The following ABCC1 variants were observed in gnomAD, a reference collection of about 807,000 sequenced individuals.
ABCC1 encodes the protein multidrug resistance-associated protein 1.
Under a neutral mutation model 172.9 loss-of-function variants are expected in ABCC1, and 83 were observed. The observed-to-expected ratio is 0.48, with a 90% CI of 0.40 to 0.58. The LOEUF is 0.58. ABCC1 is among the 20% of genes least tolerant of loss of function. The pLI is 0.00. For missense variants in ABCC1, 1,817 were observed against 2,002.7 expected, an observed-to-expected ratio of 0.91 and a Z score of 1.77; for synonymous variants, 937 against 825.2, an observed-to-expected ratio of 1.14 and a Z score of -2.32.
intron 20 of ABCC1, 31 bp downstream of exon 20, chr16:16,102,748 G>A (rs895527634): frequency 5.2e-6 from 8 of 1,549,888 alleles, no homozygotes; most frequent in Middle Eastern, 3.6e-4. Flanking sequence ...CCCAACCTAA[G>A]GACCCTGCCC....
At chr16:15,975,693 A>G (rs1287749387) in intron 1 of ABCC1, among the ~76,000 whole-genome samples, 2 of 151,588 alleles carry the variant, frequency 1.3e-5, no homozygotes, top group African/African-American at 4.8e-5. Context: ...AGTAGCTGGG[A>G]TTACAGGCAT....
At chr16:16,140,235 C>T (rs565721075) in intron 30 of ABCC1, among the ~76,000 whole-genome samples, 2 of 152,184 alleles carry the variant, frequency 1.3e-5, no homozygotes, top group Non-Finnish European at 2.9e-5. Context: ...GAAAGGTAGG[C>T]AGGGGCTGGA....
At chr16:15,983,017 CAT>C (rs1326254307) in intron 1 of ABCC1, among the ~76,000 whole-genome samples, 13 of 151,990 alleles carry the variant, frequency 8.6e-5, no homozygotes, top group Non-Finnish European at 1.5e-4. Context: ...TATAAGGTAA[CAT>C]ATACAGTATA....
intron 1 of ABCC1, among the ~76,000 whole-genome samples, chr16:15,986,755 C>CG: frequency 6.6e-6 from 1 of 152,220 alleles, no homozygotes; most frequent in Non-Finnish European, 1.5e-5. Flanking sequence ...GTTCTGGGGA[C>CG]GGGGATGTAG....
At chr16:16,022,603 C>T (rs1239005201) in intron 5 of ABCC1, among the ~76,000 whole-genome samples, 2 of 152,156 alleles carry the variant, frequency 1.3e-5, no homozygotes, top group African/African-American at 4.8e-5. Flanking sequence ...CCTACCAAGT[C>T]AAACTCATTT....
intron 1 of ABCC1, among the ~76,000 whole-genome samples, chr16:15,993,249 C>T (rs2046936105): frequency 6.6e-6 from 1 of 152,180 alleles, no homozygotes; most frequent in Admixed American, 6.5e-5. Context: ...TGAATGAATG[C>T]ATGACAGGAA....
chr16:15,990,178 C>T (rs554046758), intron 1 of ABCC1, among the ~76,000 whole-genome samples: 1 of 152,276 alleles, frequency 6.6e-6, no homozygotes, highest in South Asian at 2.1e-4. Context: ...CCTCAGCCTC[C>T]CAAGCAGCTG....
chr16:16,046,042 G>T, intron 9 of ABCC1, 29 bp downstream of exon 9: 1 of 1,609,970 alleles, frequency 6.2e-7, no homozygotes, highest in Non-Finnish European at 8.5e-7. Context: ...TTGGCATGTG[G>T]CCCGACTTCC....
At chr16:16,077,631 C>T (rs976092995) in intron 15 of ABCC1, among the ~76,000 whole-genome samples, 1 of 152,216 alleles carries the variant, frequency 6.6e-6, no homozygotes, top group Admixed American at 6.5e-5. Context: ...CTTTCCCCTC[C>T]CAGCACAGGA....
chr16:15,999,836 C>CTTTCTTTCTTTCTTTCTT lies in ABCC1; in HGVS notation c.49-7979_49-7978insTTCTTTCTTTCTTTCTTT, dbSNP rs766054868. Among the ~76,000 whole-genome samples, 41 of 16,830 alleles carry CTTTCTTTCTTTCTTTCTT rather than the reference C, an allele frequency of 2.4e-3. 1 individual carries two copies. The highest frequency in any genetic ancestry group is 7.0e-3 in the African/African-American group (33 of 4,682). 11.0% of individuals were successfully genotyped at this position (16,830 alleles called of 152,430 possible). On this transcript the variant is annotated intron_variant, in intron 1 of 30. Transcript: ENST00000399410. ...TCTCTCTCTCTCTCTCTCTCTCTGT[C>CTTTCTTTCTTTCTTTCTT]TCTTTCTTTCTTTCTTTCTTTCTTT...
Position 16,044,535 on chromosome 16 carries a change from G to A in ABCC1, c.895G>A (p.Ala299Thr). The change falls in exon 8 of 31, where the codon GCT (alanine) becomes ACT (threonine). Residue 299 changes from alanine to threonine, a missense_variant. This residue lies in a region of ABCC1 where 398 missense variants were observed against 384.2 expected (regional missense o/e 1.04). Coordinates refer to ENST00000399410, the MANE Select transcript of ABCC1 (RefSeq NM_004996.4). ...SKVDANEEVEALIVKSPQKEW... is the reference protein window; with the variant it reads ...SKVDANEEVETLIVKSPQKEW... Reference sequence around the variant, plus strand: ...GGTGGATGCGAATGAGGAGGTGGAGGCTTTGATCGTCAAGTCCCCACAGAA... The same window carrying A: ...GGTGGATGCGAATGAGGAGGTGGAGACTTTGATCGTCAAGTCCCCACAGAA... 1 of 1,614,170 alleles carries A rather than the reference G, an allele frequency of 6.2e-7. No homozygotes were observed. The highest frequency in any genetic ancestry group is 8.5e-7 in the Non-Finnish European group (1 of 1,180,032).
chr16:16,108,330 A>G (rs1216510631), intron 21 of ABCC1, among the ~76,000 whole-genome samples: 1 of 122,814 alleles, frequency 8.1e-6, no homozygotes, highest in Non-Finnish European at 1.6e-5. Flanking sequence ...CCCAGGCTGT[A>G]GTGCCGTGGC....
chr16:16,094,212 C>T lies in ABCC1; in HGVS notation c.2644+3624C>T, dbSNP rs1352406152. The T allele has an allele frequency of 1.5e-5, 4 of 275,280 alleles. No individual in the cohort carries two copies. In the Admixed American group the frequency reaches 1.5e-4, roughly 10 times the overall value. The allele number at this position is 275,280 out of a possible 1,614,324, so 17.1% of individuals were successfully genotyped here. On this transcript the variant is annotated intron_variant, in intron 19 of 30. Transcript: ENST00000399410. Reference sequence around the variant, plus strand: ...CCGACCCTGAGCTCTGTAGGTCCGGCGACGCAACTTAGGTGCTTTCTTCAG... The same window carrying T: ...CCGACCCTGAGCTCTGTAGGTCCGGTGACGCAACTTAGGTGCTTTCTTCAG...
At chr16:15,988,912 T>C (rs1239244319) in intron 1 of ABCC1, among the ~76,000 whole-genome samples, 1 of 151,264 alleles carries the variant, frequency 6.6e-6, no homozygotes, top group Non-Finnish European at 1.5e-5. Context: ...TGGAAAGAAA[T>C]ACAAAAATTA....
chr16:16,002,012 C>T (rs114903832), intron 1 of ABCC1, among the ~76,000 whole-genome samples: 3 of 152,220 alleles, frequency 2.0e-5, no homozygotes, highest in African/African-American at 7.2e-5. Context: ...GCCACCACAC[C>T]TGGCAGAGAA....
chr16:16,139,611 C>CAA (rs386384360), intron 30 of ABCC1, among the ~76,000 whole-genome samples: 9,615 of 56,762 alleles, frequency 0.17, 1,723 homozygotes, highest in East Asian at 0.29. Flanking sequence ...GACTCCATCT[C>CAA]AAAAAAAAAA....
chr16:16,022,076 A>T (rs1279994513), intron 5 of ABCC1, among the ~76,000 whole-genome samples: 1 of 152,218 alleles, frequency 6.6e-6, no homozygotes, highest in East Asian at 1.9e-4. Context: ...TCCCATCCTC[A>T]GAGCAGCAGC....
intron 21 of ABCC1, among the ~76,000 whole-genome samples, chr16:16,110,883 A>C (rs955047118): frequency 1.3e-5 from 2 of 152,010 alleles, no homozygotes; most frequent in African/African-American, 4.8e-5. Flanking sequence ...AGCTCCATGC[A>C]TGAGGGCAGA....
In ABCC1 at chr16:16,114,841, T is replaced by C; in HGVS notation, c.3155T>C (p.Leu1052Pro). Residue 1052 changes from leucine to proline, a missense_variant, in exon 23 of 31, where the codon CTG becomes CCG. Transcript: ENST00000399410. Reference sequence around the variant, plus strand: ...GCTTCCCGCTGTCTGCACGTGGACCTGCTGCACAGCATCCTGCGGTCACCC... The same window carrying C: ...GCTTCCCGCTGTCTGCACGTGGACCCGCTGCACAGCATCCTGCGGTCACCC... ...ILASRCLHVD[L>P]LHSILRSPMS... 2 of 1,613,882 alleles carry C rather than the reference T, an allele frequency of 1.2e-6. No individual in the cohort carries two copies. Among genetic ancestry groups the C allele is most frequent in the Non-Finnish European group, 1.7e-6 (2 of 1,179,776 alleles).
Sources: gnomAD v4.1 joint callset for allele counts (sites outside exome capture counted in the v4.1 genomes callset) on GRCh38, gnomAD v4.1.1 for gene constraint, gnomAD v4.1.1 regional missense constraint, MANE v1.5 for transcripts, NCBI Gene and HGNC (gene_info 2026-07-23, HGNC 2026-07-21) for gene names.